Variants in CAPSL observed in about 807,000 individuals in gnomAD.
CAPSL encodes the protein calcyphosin-like protein.
A neutral mutation model predicts 21.3 loss-of-function variants in CAPSL; 17 were observed. The ratio of observed to expected loss-of-function variants is 0.80; its 90% confidence interval spans 0.55 to 1.20. The LOEUF is 1.20. Among genes scored for constraint, CAPSL ranks in the 50% most tolerant of loss-of-function variants. The pLI is 0.00. For missense variants in CAPSL, 289 were observed against 259.3 expected (o/e 1.11, Z -0.79); for synonymous variants, 102 against 89.3 (o/e 1.14, Z -0.80).
intron 4 of CAPSL, among the ~76,000 whole-genome samples, chr5:35,907,006 T>C (rs1760691954): frequency 6.6e-6 from 1 of 152,262 alleles, no homozygotes; most frequent in South Asian, 2.1e-4. Flanking sequence ...TCGCAAATTC[T>C]CTGATCTCCT....
chr5:35,934,693 C>T (rs553436014), intron 1 of CAPSL, among the ~76,000 whole-genome samples: 6 of 152,358 alleles, frequency 3.9e-5, no homozygotes, highest in African/African-American at 1.4e-4. Context: ...ATGAAAACCA[C>T]TCCTCCTTTT....
At position 35,904,508 on chromosome 5, in the gene CAPSL, C is replaced by G; in HGVS notation, c.*37G>C. 1 of 1,457,174 alleles carries G rather than the reference C, an allele frequency of 6.9e-7. No individual in the cohort carries two copies. Among genetic ancestry groups the G allele is most frequent in the South Asian group, 1.2e-5 (1 of 85,658 alleles). 90.3% of individuals were successfully genotyped at this position (1,457,174 alleles called of 1,614,324 possible). On this transcript the variant is annotated 3_prime_UTR_variant, in exon 5 of 5. Coordinates refer to ENST00000651391, the MANE Select transcript of CAPSL (RefSeq NM_001042625.2). ...GCTGACATTTAGTCATTTGGAGCCA[C>G]ATGGCTGTCCCAGGGCCTGGTCCCC...
At chr5:35,919,160 TAAAA>T (rs34779853) in intron 2 of CAPSL, among the ~76,000 whole-genome samples, 2 of 129,204 alleles carry the variant, frequency 1.5e-5, no homozygotes, top group African/African-American at 5.8e-5. Flanking sequence ...CTTTCCTGAT[TAAAA>T]AAAAAAATAT....
At chr5:35,919,192 A>ATAT (rs1561439742) in intron 2 of CAPSL, among the ~76,000 whole-genome samples, 12,779 of 106,492 alleles carry the variant, frequency 0.12, 932 homozygotes, top group Non-Finnish European at 0.18. Context: ...TATATATATA[A>ATAT]AAATTGTGAA....
chr5:35,914,771 T>C (rs1404831584), intron 2 of CAPSL, among the ~76,000 whole-genome samples: 1 of 152,136 alleles, frequency 6.6e-6, no homozygotes, highest in East Asian at 1.9e-4. Flanking sequence ...AGATCTAAAA[T>C]TGACACCCTA....
intron 2 of CAPSL, among the ~76,000 whole-genome samples, chr5:35,915,166 G>T (rs1050159638): frequency 3.9e-5 from 6 of 152,196 alleles, no homozygotes; most frequent in Non-Finnish European, 2.9e-5. Flanking sequence ...CTAGGAAGAA[G>T]TTGAATCTCT....
At chr5:35,918,801 G>A (rs534372714) in intron 2 of CAPSL, among the ~76,000 whole-genome samples, 2 of 152,230 alleles carry the variant, frequency 1.3e-5, no homozygotes, top group East Asian at 3.9e-4. Context: ...ATAATGGGTT[G>A]AATGAATTGG....
At chr5:35,908,480 A>C (rs1738097135) in intron 4 of CAPSL, among the ~76,000 whole-genome samples, 1 of 152,158 alleles carries the variant, frequency 6.6e-6, no homozygotes, top group African/African-American at 2.4e-5. Flanking sequence ...ACAACTGGCT[A>C]TTTTGACTTT....
At chr5:35,936,703 C>A (rs1412630097) in intron 1 of CAPSL, among the ~76,000 whole-genome samples, 1 of 152,164 alleles carries the variant, frequency 6.6e-6, no homozygotes, top group African/African-American at 2.4e-5. Flanking sequence ...TTTGTTTCTT[C>A]CTTGTCTTCA....
chr5:35,925,323 T>C (rs532311498), intron 1 of CAPSL, among the ~76,000 whole-genome samples: 2 of 152,310 alleles, frequency 1.3e-5, no homozygotes, highest in South Asian at 2.1e-4. Flanking sequence ...GAGGAGGTGA[T>C]GTCTAAACTT....
intron 1 of CAPSL, among the ~76,000 whole-genome samples, chr5:35,925,007 TC>T (rs1170272613): frequency 2.6e-5 from 4 of 152,214 alleles, no homozygotes; most frequent in African/African-American, 4.8e-5. Context: ...ACCTTAAAGA[TC>T]CGGTGTGGTG....
intron 2 of CAPSL, among the ~76,000 whole-genome samples, chr5:35,912,650 C>G (rs1738262210): frequency 1.3e-5 from 2 of 152,250 alleles, no homozygotes; most frequent in Non-Finnish European, 2.9e-5. Context: ...GCTGAGGTTC[C>G]TGACTGTTAG....
rs748095038 is a variant in CAPSL, at chr5:35,921,004, A to C, written c.117T>G (p.Ala39=). The change falls in exon 2 of 5, where the codon GCT becomes GCG. Residue 39 remains alanine, a synonymous_variant. Transcript: ENST00000651391. ...CCTACCTGCCAAGTCCTTTGATCCCAGCAGAGCCCCTGGCCAGGCACTGCA... is the reference window on the plus strand; with the variant it reads ...CCTACCTGCCAAGTCCTTTGATCCCCGCAGAGCCCCTGGCCAGGCACTGCA... ...LRLQCLARGS[A]GIKGLGRVFR... The C allele has an allele frequency of 5.0e-6, 8 of 1,614,012 alleles. No individual in the cohort carries two copies. In the South Asian group the frequency reaches 5.5e-5, roughly 11 times the overall value.
intron 1 of CAPSL, among the ~76,000 whole-genome samples, chr5:35,933,173 A>G (rs1308009309): frequency 6.6e-6 from 1 of 152,186 alleles, no homozygotes; most frequent in Admixed American, 6.5e-5. Context: ...AAAGATAAGA[A>G]CAACAGTAAT....
intron 2 of CAPSL, among the ~76,000 whole-genome samples, chr5:35,913,046 A>T (rs1013240218): frequency 2.0e-5 from 3 of 152,234 alleles, no homozygotes; most frequent in Non-Finnish European, 4.4e-5. Flanking sequence ...ATGACAAGAG[A>T]ACTACGTGAT....
intron 1 of CAPSL, among the ~76,000 whole-genome samples, chr5:35,929,702 G>C (rs1342827944): frequency 1.3e-5 from 2 of 152,178 alleles, no homozygotes; most frequent in African/African-American, 4.8e-5. Context: ...TGCAGGAAGG[G>C]AAAAGCTTCA....
intron 1 of CAPSL, among the ~76,000 whole-genome samples, chr5:35,929,344 G>C (rs1738763451): frequency 1.4e-5 from 2 of 146,984 alleles, no homozygotes; most frequent in South Asian, 4.4e-4. Flanking sequence ...GAGTACAGTG[G>C]TGCGTTCTCA....
chr5:35,936,403 G>A (rs1186098142), intron 1 of CAPSL, among the ~76,000 whole-genome samples: 1 of 152,064 alleles, frequency 6.6e-6, no homozygotes, highest in African/African-American at 2.4e-5. Flanking sequence ...ACTCCCTCTA[G>A]CTATCACCCC....
intron 1 of CAPSL, among the ~76,000 whole-genome samples, chr5:35,922,928 AT>A (rs1738575648): frequency 6.6e-6 from 1 of 152,156 alleles, no homozygotes; most frequent in South Asian, 2.1e-4. Flanking sequence ...TGCCTGAGCC[AT>A]TCTCTTGCCC....
Sources: allele counts gnomAD v4.1 joint callset (sites outside exome capture counted in the v4.1 genomes callset), GRCh38; gene constraint gnomAD v4.1.1; transcripts MANE v1.5; gene names NCBI Gene and HGNC (gene_info 2026-07-23, HGNC 2026-07-21).